The following MED27 variants were observed in gnomAD, a reference collection of about 807,000 sequenced individuals.
The protein encoded by MED27 is mediator complex subunit 27.
In MED27, 30 loss-of-function variants were observed where a neutral mutation model predicts 38.2. The observed-to-expected ratio is 0.79, with a 90% CI of 0.59 to 1.07. The LOEUF (loss-of-function observed/expected upper bound fraction) is 1.07, where lower values mean the gene tolerates loss of function less well. MED27 is among the 50% of genes least tolerant of loss of function. The pLI is 0.00. For synonymous variants in MED27, 122 were observed against 153.5 expected, an observed-to-expected ratio of 0.79 and a Z score of 1.52; for missense variants, 289 against 397.5, an observed-to-expected ratio of 0.73 and a Z score of 2.32.
intron 2 of MED27, among the ~76,000 whole-genome samples, chr9:132,017,367 A>C (rs908413393): frequency 1.3e-5 from 2 of 152,212 alleles, no homozygotes; most frequent in East Asian, 1.9e-4. Context: ...AAATACCGCC[A>C]TAAGTTCTCA....
chr9:132,042,942 G>A (rs1833250465), intron 2 of MED27, among the ~76,000 whole-genome samples: 1 of 152,128 alleles, frequency 6.6e-6, no homozygotes, highest in African/African-American at 2.4e-5. Flanking sequence ...AATTAGAGAG[G>A]TCAATACACA....
At chr9:131,897,640 AGGAGGT>A (rs1184935944) in intron 4 of MED27, among the ~76,000 whole-genome samples, 6 of 152,196 alleles carry the variant, frequency 3.9e-5, no homozygotes, top group African/African-American at 1.4e-4. Context: ...GGGAGGGAAA[AGGAGGT>A]GGAGGTGGAG....
intron 5 of MED27, among the ~76,000 whole-genome samples, chr9:131,887,457 G>C (rs1430795035): frequency 1.3e-5 from 2 of 152,184 alleles, no homozygotes; most frequent in Non-Finnish European, 2.9e-5. Context: ...TCTTTTGCTA[G>C]GAGTGCACAG....
chr9:131,945,915 C>T (rs1830878358), intron 3 of MED27, among the ~76,000 whole-genome samples: 1 of 150,458 alleles, frequency 6.6e-6, no homozygotes, highest in Non-Finnish European at 1.5e-5. Flanking sequence ...AGGCAGTGAG[C>T]CATGATTGTG....
At chr9:131,926,343 G>C (rs1001314437) in intron 4 of MED27, among the ~76,000 whole-genome samples, 1 of 152,180 alleles carries the variant, frequency 6.6e-6, no homozygotes, top group African/African-American at 2.4e-5. Flanking sequence ...TTACCAAAAA[G>C]GCCAGCCTTC....
At chr9:131,879,073 C>G (rs551624207) in intron 6 of MED27, among the ~76,000 whole-genome samples, 1 of 152,220 alleles carries the variant, frequency 6.6e-6, no homozygotes, top group Non-Finnish European at 1.5e-5. Flanking sequence ...TGAACATCTG[C>G]AGACAAAAGG....
intron 2 of MED27, among the ~76,000 whole-genome samples, chr9:132,016,897 C>T (rs1352125569): frequency 6.6e-6 from 1 of 152,192 alleles, no homozygotes; most frequent in African/African-American, 2.4e-5. Context: ...TAACTGCTAT[C>T]TGTCTTTTAA....
intron 3 of MED27, among the ~76,000 whole-genome samples, chr9:131,951,412 A>G (rs904227170): frequency 7.9e-5 from 12 of 152,200 alleles, no homozygotes; most frequent in Non-Finnish European, 1.6e-4. Context: ...CCCCCAGCAC[A>G]CTGTCCAGCA....
intron 4 of MED27, among the ~76,000 whole-genome samples, chr9:131,912,925 A>C (rs1391921003): frequency 1.3e-5 from 2 of 152,226 alleles, no homozygotes; most frequent in Admixed American, 1.3e-4. Flanking sequence ...ACAAGATGTA[A>C]AAGTTAAGAT....
At chr9:131,999,383 G>C (rs1832170286) in intron 3 of MED27, among the ~76,000 whole-genome samples, 1 of 152,168 alleles carries the variant, frequency 6.6e-6, no homozygotes, top group Admixed American at 6.5e-5. Flanking sequence ...TTTCATGTGA[G>C]ACCCAAGTCT....
At chr9:131,886,639 G>A (rs1329789089) in intron 5 of MED27, among the ~76,000 whole-genome samples, 4 of 152,178 alleles carry the variant, frequency 2.6e-5, no homozygotes, top group African/African-American at 7.2e-5. Context: ...ATTTGCAAGG[G>A]GAAAAGTGAC....
chr9:132,031,702 C>A (rs1252301707), intron 2 of MED27, among the ~76,000 whole-genome samples: 1 of 151,874 alleles, frequency 6.6e-6, no homozygotes, highest in Non-Finnish European at 1.5e-5. Flanking sequence ...TGGGCAAGAC[C>A]AACACATCTG....
chr9:131,952,971 C>A (rs1368622396), intron 3 of MED27, among the ~76,000 whole-genome samples: 2 of 152,216 alleles, frequency 1.3e-5, no homozygotes, highest in African/African-American at 2.4e-5. Flanking sequence ...AAATAAAACA[C>A]ATGACATTAA....
chr9:131,948,930 C>G (rs1830935690), intron 3 of MED27, among the ~76,000 whole-genome samples: 1 of 152,142 alleles, frequency 6.6e-6, no homozygotes. Context: ...ATAAAAGCTA[C>G]CCCTCCATTT....
intron 4 of MED27, among the ~76,000 whole-genome samples, chr9:131,926,157 T>C (rs1316370128): frequency 6.6e-6 from 1 of 152,234 alleles, no homozygotes; most frequent in African/African-American, 2.4e-5. Context: ...TGCTGGTCTC[T>C]TGTCCATTTT....
chr9:132,050,940 T>G lies in MED27; in HGVS notation c.348+26502A>C, dbSNP rs191985427. 6.4e-4 allele frequency among the ~76,000 whole-genome samples: 97 copies of G among 152,350 alleles called. No homozygotes were observed. The Middle Eastern group carries it at 0.01, about 16-fold the overall frequency. On this transcript the variant is annotated intron_variant, in intron 2 of 7. Coordinates refer to ENST00000292035, the MANE Select transcript of MED27 (RefSeq NM_004269.4). The stretch of plus-strand genomic sequence containing the variant: ...CGGCATATGAATGGCACTCAATAAC[T>G]ACTGGATGACTGAAAAGACTCAATG...
At chr9:131,910,392 T>C (rs1404696277) in intron 4 of MED27, among the ~76,000 whole-genome samples, 1 of 152,230 alleles carries the variant, frequency 6.6e-6, no homozygotes, top group African/African-American at 2.4e-5. Context: ...AGAATATAAA[T>C]GATTAAGCAT....
rs548988119 is a variant in MED27 at position 131,938,473 on chromosome 9, T to C, written c.573+908A>G. On this transcript the variant is annotated intron_variant, in intron 4 of 7. Transcript: ENST00000292035. ...AGACCACTAGAAAAGCTTCTCATCA[T>C]TGAGGTCTCTATGCCTTCCTAATTA... 9.0e-4 allele frequency among the ~76,000 whole-genome samples: 137 copies of C among 152,352 alleles called. 3 individuals carry two copies. The South Asian group carries it at 0.027, about 30-fold the overall frequency.
At chr9:131,986,999 ATTTTT>A (rs66519112) in intron 3 of MED27, among the ~76,000 whole-genome samples, 5 of 46,224 alleles carry the variant, frequency 1.1e-4, no homozygotes, top group African/African-American at 3.5e-4. Context: ...GAGTTCATGG[ATTTTT>A]TTTTTTTTTT....
Sources: gnomAD v4.1 joint callset for allele counts (sites outside exome capture counted in the v4.1 genomes callset) on GRCh38, gnomAD v4.1.1 for gene constraint, MANE v1.5 for transcripts, NCBI Gene and HGNC (gene_info 2026-07-23, HGNC 2026-07-21) for gene names.